The following CTNNA2 variants were observed in gnomAD, a reference collection of about 807,000 sequenced individuals.
The protein encoded by CTNNA2 is catenin alpha 2, also known as catenin alpha-2.
CTNNA2 carries 42 observed loss-of-function variants against 101.0 expected under a neutral mutation model. The observed-to-expected ratio is 0.42, with a 90% CI of 0.32 to 0.54. CTNNA2 has a LOEUF of 0.54. CTNNA2 is among the 20% of genes least tolerant of loss of function. The pLI, the probability that CTNNA2 is intolerant of heterozygous loss-of-function variation, is 0.14. For synonymous variants in CTNNA2, 450 were observed against 456.4 expected, an observed-to-expected ratio of 0.99 and a Z score of 0.18; for missense variants, 871 against 1,223.1, an observed-to-expected ratio of 0.71 and a Z score of 4.29.
intron 18 of CTNNA2, among the ~76,000 whole-genome samples, chr2:80,630,551 C>G (rs913332437): frequency 6.6e-6 from 1 of 152,076 alleles, no homozygotes; most frequent in Non-Finnish European, 1.5e-5. Flanking sequence ...GCAGGAGAAT[C>G]GCTTGAACCC....
intron 9 of CTNNA2, among the ~76,000 whole-genome samples, chr2:80,466,556 CA>C (rs1039300834): frequency 1.3e-5 from 2 of 151,182 alleles, no homozygotes; most frequent in East Asian, 1.9e-4. Flanking sequence ...AATATTTTTG[CA>C]AAAAAAAGAA....
chr2:80,315,972 C>A (rs1678083809), intron 7 of CTNNA2, among the ~76,000 whole-genome samples: 1 of 152,194 alleles, frequency 6.6e-6, no homozygotes, highest in African/African-American at 2.4e-5. Context: ...TCGGAATCTA[C>A]ATTTTTCCAA....
At chr2:79,982,270 T>C (rs1691374678) in intron 7 of CTNNA2, among the ~76,000 whole-genome samples, 20 of 128,738 alleles carry the variant, frequency 1.6e-4, no homozygotes, top group African/African-American at 6.6e-4. Flanking sequence ...ACACATAACA[T>C]ATATATAATA....
intron 4 of CTNNA2, among the ~76,000 whole-genome samples, chr2:79,461,842 A>G (rs1670882975): frequency 6.6e-6 from 1 of 152,160 alleles, no homozygotes; most frequent in Non-Finnish European, 1.5e-5. Flanking sequence ...CATGAAAATG[A>G]GAGAATAAAT....
chr2:79,351,879 T>C (rs1419782652), intron 3 of CTNNA2, among the ~76,000 whole-genome samples: 1 of 152,232 alleles, frequency 6.6e-6, no homozygotes, highest in Non-Finnish European at 1.5e-5. Context: ...CTATTGTGAA[T>C]AGTGCTGGAA....
chr2:79,237,111 T>G (rs1164946852), intron 2 of CTNNA2, among the ~76,000 whole-genome samples: 1 of 152,192 alleles, frequency 6.6e-6, no homozygotes, highest in Non-Finnish European at 1.5e-5. Flanking sequence ...CCTTATGAAA[T>G]GTATTTTTTA....
At chr2:79,539,577 C>T (rs6707658) in intron 1 of CTNNA2, among the ~76,000 whole-genome samples, 114,777 of 152,124 alleles carry the variant, frequency 0.75, 43,918 homozygotes, top group African/African-American at 0.89. Context: ...TTGTAATAAA[C>T]TGTGGGTGGC....
rs192012291 is a variant in CTNNA2 at position 79,673,585 on chromosome 2, A to G, written c.102+21927A>G. Among the ~76,000 whole-genome samples the G allele has an allele frequency of 5.1e-4, 78 of 152,280 alleles. 1 individual carries two copies. The highest frequency in any genetic ancestry group is 1.8e-3 in the African/African-American group (75 of 41,566). On this transcript the variant is annotated intron_variant, in intron 2 of 18. Transcript: ENST00000402739. ...ACAAAATAAGGAAACATTTTCTTCAATTACCTCTTTCAGCATTTTTTGGCA... is the reference window on the plus strand; with the variant it reads ...ACAAAATAAGGAAACATTTTCTTCAGTTACCTCTTTCAGCATTTTTTGGCA...
chr2:80,407,442 A>G (rs1005508334), intron 8 of CTNNA2, among the ~76,000 whole-genome samples: 8 of 152,190 alleles, frequency 5.3e-5, no homozygotes, highest in Non-Finnish European at 1.0e-4. Context: ...GCCAATTACT[A>G]TCTCTGTCCC....
intron 7 of CTNNA2, among the ~76,000 whole-genome samples, chr2:80,211,678 G>A (rs995205004): frequency 2.6e-5 from 4 of 152,208 alleles, no homozygotes; most frequent in East Asian, 3.9e-4. Flanking sequence ...TCTTTTGGCT[G>A]AGGATTGTCT....
At chr2:79,643,394 T>C (rs1680588831) in intron 1 of CTNNA2, among the ~76,000 whole-genome samples, 3 of 152,146 alleles carry the variant, frequency 2.0e-5, no homozygotes, top group Admixed American at 2.0e-4. Context: ...GTGTCGTTCC[T>C]GAACCAGCAG....
At chr2:79,533,608 C>G (rs1481788389) in intron 1 of CTNNA2, among the ~76,000 whole-genome samples, 2 of 151,898 alleles carry the variant, frequency 1.3e-5, no homozygotes, top group African/African-American at 4.8e-5. Context: ...CACAAGTGGC[C>G]CCTAAACTGA....
chr2:79,943,977 G>A (rs966496574), intron 7 of CTNNA2, among the ~76,000 whole-genome samples: 6 of 152,158 alleles, frequency 3.9e-5, no homozygotes, highest in Non-Finnish European at 8.8e-5. Flanking sequence ...TCTTGAGAAT[G>A]AGTTCACCCA....
chr2:79,497,263 G>A (rs140351708), intron 4 of CTNNA2, among the ~76,000 whole-genome samples: 23 of 152,186 alleles, frequency 1.5e-4, no homozygotes, highest in Non-Finnish European at 2.4e-4. Context: ...TCCCCAGCAC[G>A]GCCCTGGGTG....
At chr2:80,100,097 A>ATT (rs60240919) in intron 7 of CTNNA2, among the ~76,000 whole-genome samples, 4 of 151,642 alleles carry the variant, frequency 2.6e-5, no homozygotes, top group South Asian at 4.2e-4. Context: ...GCCCAGCTAC[A>ATT]TTTTTTTTGT....
rs191694565 is a variant in CTNNA2, at chr2:79,321,089, C to T, written c.-318+8293C>T. Among the ~76,000 whole-genome samples, 102 of 152,210 alleles carry T rather than the reference C, an allele frequency of 6.7e-4. No individual in the cohort carries two copies. In the South Asian group the frequency reaches 0.015, roughly 22 times the overall value. ...TAATCACAACTACCTTTGTTAAGTA[C>T]TTACTATTATATTTTCCAGAAACCA... On this transcript the variant is annotated intron_variant, in intron 3 of 21. Coordinates refer to the CTNNA2 transcript ENST00000466387.
chr2:79,884,277 A>G (rs1466890477), intron 6 of CTNNA2, among the ~76,000 whole-genome samples: 1 of 152,128 alleles, frequency 6.6e-6, no homozygotes, highest in Admixed American at 6.6e-5. Context: ...CCTACAGAAA[A>G]TGTATTCCAA....
chr2:80,589,892 G>GC (rs1277479475), intron 15 of CTNNA2, among the ~76,000 whole-genome samples: 15 of 149,376 alleles, frequency 1.0e-4, no homozygotes, highest in Admixed American at 4.8e-4. Flanking sequence ...GTGTGTGTGT[G>GC]TGTGTGTGTG....
intron 7 of CTNNA2, among the ~76,000 whole-genome samples, chr2:80,075,498 G>C (rs1698615256): frequency 6.7e-6 from 1 of 148,558 alleles, no homozygotes; most frequent in African/African-American, 2.5e-5. Context: ...ACTTGCTTAG[G>C]AAAATGCATA....
Sources: allele counts gnomAD v4.1 joint callset (sites outside exome capture counted in the v4.1 genomes callset), GRCh38; gene constraint gnomAD v4.1.1; transcripts MANE v1.5; gene names NCBI Gene and HGNC (gene_info 2026-07-23, HGNC 2026-07-21).